Variants in FHOD3 observed in about 807,000 individuals in gnomAD.
FHOD3 encodes the protein formin homology 2 domain containing 3.
Under a neutral mutation model 173.0 loss-of-function variants are expected in FHOD3, and 90 were observed. The observed-to-expected ratio is 0.52, with a 90% confidence interval of 0.44 to 0.62. The LOEUF (loss-of-function observed/expected upper bound fraction) is 0.62, where lower values mean the gene tolerates loss of function less well. Among genes scored for constraint, FHOD3 ranks in the 20% least tolerant of loss-of-function variants. The probability of loss-of-function intolerance (pLI) is 0.00; values close to 1 mark genes in which losing one functional copy is unlikely to be tolerated. For synonymous variants in FHOD3, 828 were observed against 823.0 expected (o/e 1.01, Z -0.10); for missense variants, 1,945 against 2,034.7 (o/e 0.96, Z 0.85).
At chr18:36,303,092 A>G (rs867103560) in intron 1 of FHOD3, among the ~76,000 whole-genome samples, 5 of 152,312 alleles carry the variant, frequency 3.3e-5, no homozygotes, top group Middle Eastern at 3.4e-3. Flanking sequence ...TATGTCATGA[A>G]CTTATGCTGG....
intron 24 of FHOD3, among the ~76,000 whole-genome samples, chr18:36,750,628 T>A (rs1164594327): frequency 1.3e-5 from 2 of 152,250 alleles, no homozygotes; most frequent in Non-Finnish European, 2.9e-5. Context: ...TTTTGGGTTT[T>A]ACATTTAAGT....
At chr18:36,310,507 G>A (rs539053608) in intron 1 of FHOD3, among the ~76,000 whole-genome samples, 17 of 152,036 alleles carry the variant, frequency 1.1e-4, no homozygotes, top group African/African-American at 4.1e-4. Flanking sequence ...CCAACATGGC[G>A]AAACCCCATC....
rs1343357972 is a variant in FHOD3 at position 36,658,106 on chromosome 18, T to C, written c.1753T>C (p.Ser585Pro). 6.2e-7 allele frequency: 1 copy of C among 1,605,556 alleles called. No individual in the cohort carries two copies. The highest frequency in any genetic ancestry group is 8.5e-7 in the Non-Finnish European group (1 of 1,176,620). ...CAATTTTGGCAATAACTCTTATCACTCCTCAAGACCCTCATCTGGATCCAG... is the reference window on the plus strand; with the variant it reads ...CAATTTTGGCAATAACTCTTATCACCCCTCAAGACCCTCATCTGGATCCAG... ...YSNFGNNSYH[S>P]SRPSSGSSVP... Residue 585 changes from serine (S) to proline (P), a missense_variant, in exon 14 of 29, where the codon TCC becomes CCC. Transcript: ENST00000590592.
At chr18:36,358,212 G>A (rs960906706) in intron 2 of FHOD3, among the ~76,000 whole-genome samples, 5 of 152,224 alleles carry the variant, frequency 3.3e-5, no homozygotes, top group African/African-American at 4.8e-5. Context: ...CTGGGCAAAG[G>A]TACTTTAGGT....
chr18:36,639,296 C>G (rs1211621320), intron 10 of FHOD3, among the ~76,000 whole-genome samples: 4 of 151,924 alleles, frequency 2.6e-5, no homozygotes, highest in Admixed American at 6.6e-5. Context: ...AATCCCAGCA[C>G]TTTGGGAGGC....
chr18:36,717,222 C>T lies in FHOD3; in HGVS notation c.2534-610C>T, dbSNP rs114570645. 2.8e-3 allele frequency among the ~76,000 whole-genome samples: 423 copies of T among 152,060 alleles called. 3 individuals are homozygous for T. Among genetic ancestry groups the T allele is most frequent in the African/African-American group, 9.2e-3 (381 of 41,482 alleles). On this transcript the variant is annotated intron_variant, in intron 18 of 28. Coordinates refer to ENST00000590592, the MANE Select transcript of FHOD3 (RefSeq NM_001281740.3). ...GGCAAGGTTATCTCTGAGGATGAGACGGGCTAGGAGGTTAGAGAAGAGAGG... is the reference window on the plus strand; with the variant it reads ...GGCAAGGTTATCTCTGAGGATGAGATGGGCTAGGAGGTTAGAGAAGAGAGG...
intron 19 of FHOD3, among the ~76,000 whole-genome samples, chr18:36,727,534 ATTC>A (rs1467728087): frequency 6.6e-6 from 1 of 152,198 alleles, no homozygotes; most frequent in East Asian, 1.9e-4. Context: ...TTTAATGCTT[ATTC>A]TTTCCTTCAT....
chr18:36,717,625 G>A (rs1389761585), intron 18 of FHOD3, among the ~76,000 whole-genome samples: 1 of 152,176 alleles, frequency 6.6e-6, no homozygotes, highest in African/African-American at 2.4e-5. Flanking sequence ...GCCTGGAAGA[G>A]TCTTGGGTCC....
chr18:36,494,424 T>A (rs958581661), intron 3 of FHOD3, among the ~76,000 whole-genome samples: 1 of 152,218 alleles, frequency 6.6e-6, no homozygotes, highest in Non-Finnish European at 1.5e-5. Flanking sequence ...AATGTTCTGA[T>A]TACACCTTCT....
At chr18:36,649,762 A>G (rs2035929384) in intron 11 of FHOD3, among the ~76,000 whole-genome samples, 1 of 152,194 alleles carries the variant, frequency 6.6e-6, no homozygotes, top group African/African-American at 2.4e-5. Context: ...TCAGCATTGC[A>G]GTAAGAAGAA....
chr18:36,514,395 A>T (rs2055845171), intron 5 of FHOD3, among the ~76,000 whole-genome samples: 1 of 152,098 alleles, frequency 6.6e-6, no homozygotes, highest in Non-Finnish European at 1.5e-5. Context: ...TAAAGAGATG[A>T]GTGCAGGCCT....
At chr18:36,359,160 T>A (rs1206337140) in intron 2 of FHOD3, among the ~76,000 whole-genome samples, 1 of 152,220 alleles carries the variant, frequency 6.6e-6, no homozygotes, top group Non-Finnish European at 1.5e-5. Context: ...AAATGTCTGC[T>A]AATATTGTGG....
At chr18:36,660,438 G>C (rs2644268) in intron 14 of FHOD3, among the ~76,000 whole-genome samples, 46,389 of 152,048 alleles carry the variant, frequency 0.31, 7,571 homozygotes, top group South Asian at 0.42. Context: ...AAGCCACTGG[G>C]GTGAGGCTGC....
chr18:36,400,821 AGAG>A (rs1366599658), intron 3 of FHOD3, among the ~76,000 whole-genome samples: 3 of 152,244 alleles, frequency 2.0e-5, no homozygotes, highest in Non-Finnish European at 2.9e-5. Context: ...CTCCATGGAC[AGAG>A]GAGGAGAGGA....
chr18:36,439,468 A>T, intron 3 of FHOD3, among the ~76,000 whole-genome samples: 1 of 151,546 alleles, frequency 6.6e-6, no homozygotes, highest in Non-Finnish European at 1.5e-5. Context: ...TCAAATCTGA[A>T]TGTGCATGTG....
At position 36,573,443 on chromosome 18, in the gene FHOD3, G is replaced by GAA. The variant is rs58181229; in HGVS notation, c.512-2995_512-2994dup. ...AGCAGAAGGAGACCCTATCTCTACA[G>GAA]AAAAAAAAAAAAAATAGCTTGGTGT... On this transcript the variant is annotated intron_variant, in intron 5 of 28. Coordinates refer to ENST00000590592, the MANE Select transcript of FHOD3 (RefSeq NM_001281740.3). 2.2e-3 allele frequency among the ~76,000 whole-genome samples: 315 copies of GAA among 140,998 alleles called. 2 individuals carry two copies. Among genetic ancestry groups the GAA allele is most frequent in the Middle Eastern group, 3.6e-3 (1 of 280 alleles). The allele number at this position is 140,998 out of a possible 152,430, so 92.5% of individuals were successfully genotyped here.
chr18:36,318,363 G>A (rs2044230338), intron 1 of FHOD3, among the ~76,000 whole-genome samples: 1 of 152,184 alleles, frequency 6.6e-6, no homozygotes, highest in African/African-American at 2.4e-5. Context: ...CATGAGCATG[G>A]AATGTTCTTC....
chr18:36,710,427 A>G (rs1464186961), intron 18 of FHOD3: 2 of 152,222 alleles, frequency 1.3e-5, no homozygotes, highest in Admixed American at 1.3e-4. Flanking sequence ...TGACCCATGA[A>G]TGGCTTATTC....
At chr18:36,425,798 G>T (rs1464714024) in intron 3 of FHOD3, among the ~76,000 whole-genome samples, 1 of 152,042 alleles carries the variant, frequency 6.6e-6, no homozygotes, top group Non-Finnish European at 1.5e-5. Context: ...ACCTATAATT[G>T]GTAGTTGGAA....
Sources: allele counts gnomAD v4.1 joint callset (sites outside exome capture counted in the v4.1 genomes callset), GRCh38; gene constraint gnomAD v4.1.1; transcripts MANE v1.5; gene names NCBI Gene and HGNC (gene_info 2026-07-23, HGNC 2026-07-21).